DISP1: variants seen among roughly 807,000 people sequenced by gnomAD.
DISP1 encodes the protein protein dispatched homolog 1.
Under a neutral mutation model 37.3 loss-of-function variants are expected in DISP1, and 30 were observed. The ratio of observed to expected loss-of-function variants is 0.80; its 90% CI spans 0.60 to 1.09. The LOEUF is 1.09. Ranked by LOEUF, DISP1 falls within the 50% of genes least tolerant of loss-of-function variation. The pLI is 0.00. For missense variants in DISP1, 1,598 were observed against 1,879.5 expected (o/e 0.85, Z 2.77); for synonymous variants, 634 against 690.2 (o/e 0.92, Z 1.28).
chr1:222,891,574 C>T (rs903951942), intron 1 of DISP1, among the ~76,000 whole-genome samples: 2 of 150,716 alleles, frequency 1.3e-5, no homozygotes, highest in African/African-American at 4.9e-5. Flanking sequence ...AAAAAGCCAA[C>T]AAAAAAAACA....
At chr1:222,852,460 G>A (rs1352904206) in intron 1 of DISP1, among the ~76,000 whole-genome samples, 1 of 151,896 alleles carries the variant, frequency 6.6e-6, no homozygotes, top group African/African-American at 2.4e-5. Flanking sequence ...ACTCACCTTG[G>A]CCTCCCAATG....
At chr1:222,916,867 G>A (rs1196234428) in intron 1 of DISP1, among the ~76,000 whole-genome samples, 2 of 152,164 alleles carry the variant, frequency 1.3e-5, no homozygotes, top group Non-Finnish European at 2.9e-5. Flanking sequence ...AGTGAGGGTT[G>A]TGATCAACTC....
chr1:222,935,872 T>A (rs1673691757), intron 2 of DISP1, among the ~76,000 whole-genome samples: 1 of 152,202 alleles, frequency 6.6e-6, no homozygotes, highest in Admixed American at 6.5e-5. Context: ...CTAGTTTGAT[T>A]GCATCCTTTG....
chr1:222,885,469 CTTT>C (rs759594613), intron 1 of DISP1, among the ~76,000 whole-genome samples: 25 of 132,814 alleles, frequency 1.9e-4, no homozygotes, highest in Admixed American at 2.3e-4. Context: ...GATTTCTTTT[CTTT>C]TTTTTTTTTT....
At chr1:222,978,264 G>C (rs926892187) in intron 3 of DISP1, among the ~76,000 whole-genome samples, 3 of 152,118 alleles carry the variant, frequency 2.0e-5, no homozygotes, top group African/African-American at 4.8e-5. Context: ...GCATTTCTCT[G>C]ATGGCCAGTG....
chr1:222,937,749 G>A (rs1385247090), intron 2 of DISP1, among the ~76,000 whole-genome samples: 1 of 149,048 alleles, frequency 6.7e-6, no homozygotes, highest in Non-Finnish European at 1.5e-5. Context: ...AAAATATCTT[G>A]GTGTGGGCAC....
intron 3 of DISP1, among the ~76,000 whole-genome samples, chr1:222,953,557 A>G (rs887382991): frequency 6.6e-6 from 1 of 152,192 alleles, no homozygotes; most frequent in African/African-American, 2.4e-5. Flanking sequence ...GAGCCTTTAT[A>G]CTTTATACTG....
intron 3 of DISP1, among the ~76,000 whole-genome samples, chr1:222,973,072 TATA>T (rs10589410): frequency 0.58 from 88,070 of 151,786 alleles, 27,433 homozygotes; most frequent in East Asian, 0.7. Flanking sequence ...ATGATCTTTG[TATA>T]ATGTTACTTC....
chr1:222,985,555 C>T (rs1338624637), intron 4 of DISP1, among the ~76,000 whole-genome samples: 2 of 152,080 alleles, frequency 1.3e-5, no homozygotes, highest in East Asian at 1.9e-4. Context: ...GAGGCTGAGG[C>T]GGGAGAATTG....
chr1:222,940,421 A>G (rs891520052), intron 2 of DISP1, among the ~76,000 whole-genome samples: 1 of 151,962 alleles, frequency 6.6e-6, no homozygotes, highest in African/African-American at 2.4e-5. Flanking sequence ...CCATAATCCA[A>G]TCACCTCCCA....
At chr1:222,989,239 C>T (rs370497789) in intron 4 of DISP1, among the ~76,000 whole-genome samples, 2 of 152,168 alleles carry the variant, frequency 1.3e-5, no homozygotes, top group East Asian at 3.9e-4. Flanking sequence ...AGTAAGAATC[C>T]TATTTCAAAT....
chr1:222,842,313 TA>T (rs1231331032), intron 1 of DISP1, among the ~76,000 whole-genome samples: 28 of 148,882 alleles, frequency 1.9e-4, no homozygotes, highest in Admixed American at 2.7e-4. Flanking sequence ...CCTGTCATTT[TA>T]AAAAAAAAAA....
chr1:222,921,222 T>G (rs1383374829), intron 1 of DISP1, among the ~76,000 whole-genome samples: 1 of 152,146 alleles, frequency 6.6e-6, no homozygotes, highest in Non-Finnish European at 1.5e-5. Context: ...GGCACGAGAA[T>G]CACTTGAGCC....
chr1:222,818,632 A>G (rs1169477154), intron 1 of DISP1, among the ~76,000 whole-genome samples: 1 of 152,210 alleles, frequency 6.6e-6, no homozygotes. Flanking sequence ...TTTAGGCAGG[A>G]GTTGATTCTG....
chr1:222,989,160 A>T (rs940826663), intron 4 of DISP1, among the ~76,000 whole-genome samples: 1 of 152,214 alleles, frequency 6.6e-6, no homozygotes, highest in African/African-American at 2.4e-5. Context: ...TTTCAGACTG[A>T]CATTTAGAGC....
At chr1:222,867,896 G>T (rs551209615) in intron 1 of DISP1, among the ~76,000 whole-genome samples, 2 of 152,264 alleles carry the variant, frequency 1.3e-5, no homozygotes, top group African/African-American at 4.8e-5. Flanking sequence ...ACTCCCTAAT[G>T]CTTAGGCCAG....
chr1:222,863,000 T>G (rs980739621), intron 1 of DISP1, among the ~76,000 whole-genome samples: 1 of 152,210 alleles, frequency 6.6e-6, no homozygotes. Flanking sequence ...AAAAATAATT[T>G]TGAAGAATAT....
At chr1:222,865,739 T>G (rs1669147264) in intron 1 of DISP1, among the ~76,000 whole-genome samples, 1 of 152,206 alleles carries the variant, frequency 6.6e-6, no homozygotes, top group Admixed American at 6.5e-5. Flanking sequence ...TTTATCTCTA[T>G]AAATAGAATT....
rs995045067 is a variant in DISP1, at chr1:222,908,361, T to A, written c.-158-20069T>A. Among the ~76,000 whole-genome samples the A allele has an allele frequency of 9.2e-5, 14 of 152,080 alleles. No homozygotes were observed. The East Asian group carries it at 1.5e-3, about 17-fold the overall frequency. On this transcript the variant is annotated intron_variant, in intron 1 of 8. Coordinates refer to ENST00000675850, the MANE Select transcript of DISP1 (RefSeq NM_001377229.1). ...AGTGAGACCCTTAATGTAAAAAAAA[T>A]TTTTAAAAAGGGTTGTGTGAGGAAC...
Sources: gnomAD v4.1 joint callset for allele counts (sites outside exome capture counted in the v4.1 genomes callset) on GRCh38, gnomAD v4.1.1 for gene constraint, MANE v1.5 for transcripts, NCBI Gene and HGNC (gene_info 2026-07-23, HGNC 2026-07-21) for gene names.